PCDHGA1: variants seen among roughly 807,000 people sequenced by gnomAD.
The protein encoded by PCDHGA1 is protocadherin gamma-A1.
In PCDHGA1, 32 loss-of-function variants were observed where a neutral mutation model predicts 58.0. The observed-to-expected ratio is 0.55, with a 90% CI of 0.42 to 0.74. The LOEUF is 0.74. PCDHGA1 is among the 30% of genes least tolerant of loss of function. PCDHGA1 has a pLI of 0.00. For missense variants in PCDHGA1, 1,205 were observed against 1,182.3 expected, an observed-to-expected ratio of 1.02 and a Z score of -0.28; for synonymous variants, 498 against 501.1, an observed-to-expected ratio of 0.99 and a Z score of 0.08.
At chr5:141,415,023 C>G in intron 1 of PCDHGA1, 1 of 1,613,530 alleles carries the variant, frequency 6.2e-7, no homozygotes, top group Non-Finnish European at 8.5e-7. Context: ...TCAAGGCCAG[C>G]GAGCCGGGAC....
intron 1 of PCDHGA1, chr5:141,393,493 G>A (rs1034199960): frequency 6.2e-7 from 1 of 1,614,046 alleles, no homozygotes; most frequent in Non-Finnish European, 8.5e-7. Context: ...AGCACAGTGC[G>A]CATCCACGTG....
chr5:141,374,457 A>C lies in PCDHGA1; in HGVS notation c.2421+41352A>C, dbSNP rs775796857. ...TATCCCGTGGAAGTGGAAATAGTGG[A>C]CATTAATGACAATACACCCCGATTC... On this transcript the variant is annotated intron_variant, in intron 1 of 3. Coordinates refer to ENST00000517417, the MANE Select transcript of PCDHGA1 (RefSeq NM_018912.3). The C allele has an allele frequency of 2.5e-6, 4 of 1,613,430 alleles. No homozygotes were observed. The South Asian group carries it at 4.4e-5, about 18-fold the overall frequency.
intron 1 of PCDHGA1, among the ~76,000 whole-genome samples, chr5:141,426,065 G>C (rs1214623774): frequency 1.3e-5 from 2 of 152,184 alleles, no homozygotes; most frequent in East Asian, 3.8e-4. Flanking sequence ...GCAAGAACTG[G>C]AGCCTGGGAT....
chr5:141,489,692 G>C lies in PCDHGA1; in HGVS notation c.2422-5115G>C, dbSNP rs768806028. The stretch of plus-strand genomic sequence containing the variant: ...TCAGAATCAGCAGCATCTGGGGCAC[G>C]ATTCCCACTGGACAGTGCCCAGGAT... On this transcript the variant is annotated intron_variant, in intron 1 of 3. Transcript: ENST00000517417. This position sits in a 1 kb window ranked among gnomAD's most constrained non-coding sequence, Gnocchi z 4.5. 6.2e-7 allele frequency: 1 copy of C among 1,614,128 alleles called. No individual in the cohort carries two copies. Among genetic ancestry groups the C allele is most frequent in the South Asian group, 1.1e-5 (1 of 91,080 alleles).
intron 1 of PCDHGA1, chr5:141,360,800 A>G: frequency 6.2e-7 from 1 of 1,613,960 alleles, no homozygotes. Context: ...GACCCACCTC[A>G]AAGTGGCACG....
intron 1 of PCDHGA1, chr5:141,357,466 G>T: frequency 6.2e-7 from 1 of 1,614,180 alleles, no homozygotes; most frequent in South Asian, 1.1e-5. Flanking sequence ...CTATTCCCAC[G>T]AGGTCTCCCT....
In PCDHGA1 at chr5:141,332,636, A is replaced by T; in HGVS notation, c.1952A>T (p.Gln651Leu). 1 of 1,612,832 alleles carries T rather than the reference A, an allele frequency of 6.2e-7. No individual in the cohort carries two copies. Among genetic ancestry groups the T allele is most frequent in the Non-Finnish European group, 8.5e-7 (1 of 1,179,768 alleles). The change falls in exon 1 of 4, where the codon CAG becomes CTG. Residue 651 changes from glutamine to leucine, a missense_variant. Coordinates refer to ENST00000517417, the MANE Select transcript of PCDHGA1 (RefSeq NM_018912.3). The surrounding 1 kb of genome is among the most constrained non-coding windows in gnomAD (Gnocchi z 4.6). Reference sequence around the variant, plus strand: ...GTGGTGGCCGTCCAGGACCACGGCCAGCCCCCGCTCTCCGCCACTGTCACG... The same window carrying T: ...GTGGTGGCCGTCCAGGACCACGGCCTGCCCCCGCTCTCCGCCACTGTCACG... ...SLVVAVQDHG[Q>L]PPLSATVTLT...
At chr5:141,433,060 C>T in intron 1 of PCDHGA1, 1 of 1,614,198 alleles carries the variant, frequency 6.2e-7, no homozygotes, top group Non-Finnish European at 8.5e-7. Flanking sequence ...GGAAGAGTCA[C>T]CTGATCTTCC....
Position 141,432,236 on chromosome 5 carries a change from G to A in PCDHGA1, c.2422-62571G>A, listed in dbSNP as rs752735346. On this transcript the variant is annotated intron_variant, in intron 1 of 3. Coordinates refer to ENST00000517417, the MANE Select transcript of PCDHGA1 (RefSeq NM_018912.3). This position sits in a 1 kb window ranked among gnomAD's most constrained non-coding sequence, Gnocchi z 6.0. ...CGCCCAGATCACTTATTCCCTGGCT[G>A]AGAACACCATCCAAGGGGCAAGCCT... is the stretch of plus-strand genomic sequence containing the variant. The A allele has an allele frequency of 8.7e-6, 14 of 1,614,130 alleles. No individual in the cohort carries two copies. The African/African-American group carries it at 9.3e-5, about 11-fold the overall frequency.
intron 1 of PCDHGA1, chr5:141,364,149 C>A: frequency 1.8e-6 from 1 of 542,530 alleles, no homozygotes; most frequent in Non-Finnish European, 3.0e-6. Context: ...GGGAAAGAAG[C>A]TGCCGCAGAG....
chr5:141,415,315 G>T (rs201784236), intron 1 of PCDHGA1: 14 of 1,614,208 alleles, frequency 8.7e-6, no homozygotes, highest in African/African-American at 4.0e-5. Context: ...CTTCGTCATC[G>T]TGCTGCTGGC....
rs780328813 is a variant in PCDHGA1 at position 141,361,800 on chromosome 5, C to T, written c.2421+28695C>T. The T allele has an allele frequency of 5.6e-6, 9 of 1,613,078 alleles. No homozygotes were observed. The East Asian group carries it at 2.0e-4, about 36-fold the overall frequency. On this transcript the variant is annotated intron_variant, in intron 1 of 3. Coordinates refer to ENST00000517417, the MANE Select transcript of PCDHGA1 (RefSeq NM_018912.3). The stretch of plus-strand genomic sequence containing the variant: ...GCCTGCGCGTGTTAGTGGGCGACCT[C>T]AATGACAATGCGCCACGGGTGCTGT...
chr5:141,427,798 T>A, intron 1 of PCDHGA1: 1 of 1,506,550 alleles, frequency 6.6e-7, no homozygotes. Context: ...TACGTGTCCG[T>A]GAGCGCACAG....
chr5:141,454,563 C>T (rs1056296059), intron 1 of PCDHGA1, among the ~76,000 whole-genome samples: 46 of 151,960 alleles, frequency 3.0e-4, no homozygotes, highest in Non-Finnish European at 4.9e-4. Context: ...TGTGCCACCA[C>T]GCCCGGCTAA....
intron 1 of PCDHGA1, chr5:141,376,373 C>G (rs368702591): frequency 1.2e-6 from 2 of 1,614,192 alleles, no homozygotes; most frequent in Non-Finnish European, 1.7e-6. Flanking sequence ...TGCAGACTCG[C>G]GTAAGAGTCA....
Position 141,330,576 on chromosome 5 carries a change from A to G in PCDHGA1, c.-109A>G, listed in dbSNP as rs1184015015. Reference sequence around the variant, plus strand: ...AAGACTGCCTAAATCCTACTTCTGGATGACTCTCCAGTCAGAATTCTCCTG... The same window carrying G: ...AAGACTGCCTAAATCCTACTTCTGGGTGACTCTCCAGTCAGAATTCTCCTG... On this transcript the variant is annotated 5_prime_UTR_variant, in exon 1 of 4. The change abolishes an upstream ATG in the 5' untranslated region. Transcript: ENST00000517417. The G allele has an allele frequency of 1.0e-5, 12 of 1,196,470 alleles. No individual in the cohort carries two copies. The highest frequency in any genetic ancestry group is 1.4e-5 in the Non-Finnish European group (12 of 854,308). 74.1% of individuals were successfully genotyped at this position (1,196,470 alleles called of 1,614,324 possible). A position where few individuals can be genotyped will look rare whatever the true frequency, so the allele number is the denominator to read the frequency against.
chr5:141,403,403 C>G (rs755177334), intron 1 of PCDHGA1: 2 of 1,614,066 alleles, frequency 1.2e-6, no homozygotes, highest in Non-Finnish European at 1.7e-6. Context: ...TCCTGGAGCA[C>G]GTTATCCACT....
chr5:141,343,498 G>A (rs1757290408), intron 1 of PCDHGA1: 2 of 505,786 alleles, frequency 4.0e-6, no homozygotes, highest in Non-Finnish European at 5.1e-6. Flanking sequence ...TTTAATAGTT[G>A]TGTTGGTCCT....
intron 1 of PCDHGA1, chr5:141,355,187 G>A (rs1759746421): frequency 6.3e-7 from 1 of 1,589,120 alleles, no homozygotes. Context: ...AGGCGACTCC[G>A]CGGCGGGGTT....
Sources: gnomAD v4.1 joint callset for allele counts (sites outside exome capture counted in the v4.1 genomes callset) on GRCh38, gnomAD v4.1.1 for gene constraint, Gnocchi (gnomAD v3.1) non-coding constraint, MANE v1.5 for transcripts, NCBI Gene and HGNC (gene_info 2026-07-23, HGNC 2026-07-21) for gene names.